Variants in MAP2K4 observed in about 807,000 individuals in gnomAD.
The protein encoded by MAP2K4 is dual specificity mitogen-activated protein kinase kinase 4.
MAP2K4 carries 4 observed loss-of-function variants against 48.5 expected under a neutral mutation model. The observed-to-expected ratio is 0.08, with a 90% CI of 0.04 to 0.19. The LOEUF (loss-of-function observed/expected upper bound fraction) is 0.19, where lower values mean the gene tolerates loss of function less well. MAP2K4 is among the 10% of genes least tolerant of loss of function. MAP2K4 has a pLI of 1.00. For missense variants in MAP2K4, 258 were observed against 493.3 expected, an observed-to-expected ratio of 0.52 and a Z score of 4.52; for synonymous variants, 166 against 173.1, an observed-to-expected ratio of 0.96 and a Z score of 0.32.
rs943138822 is a variant in MAP2K4 at position 12,037,168 on chromosome 17, C to T, written c.115+16167C>T. Among the ~76,000 whole-genome samples, 11 of 151,954 alleles carry T rather than the reference C, an allele frequency of 7.2e-5. No individual in the cohort carries two copies. The East Asian group carries it at 2.1e-3, about 29-fold the overall frequency. ...CAGGTGGCGGTGGTTTTTGGTGGCA[C>T]TGCACATCAGTATATTTGGAGGAAA... is the stretch of plus-strand genomic sequence containing the variant. On this transcript the variant is annotated intron_variant, in intron 1 of 10. Coordinates refer to ENST00000353533, the MANE Select transcript of MAP2K4 (RefSeq NM_003010.4).
At chr17:12,115,668 A>G in intron 7 of MAP2K4, 2 of 756,088 alleles carry the variant, frequency 2.6e-6, no homozygotes, top group South Asian at 1.3e-5. Flanking sequence ...AAAGTGAACC[A>G]GTGGAACACA....
chr17:12,081,215 A>G lies in MAP2K4; in HGVS notation c.219-141A>G, dbSNP rs1971176978. The G allele has an allele frequency of 1.7e-6, 1 of 585,782 alleles. No individual in the cohort carries two copies. Among genetic ancestry groups the G allele is most frequent in the Non-Finnish European group, 2.9e-6 (1 of 344,072 alleles). The allele number at this position is 585,782 out of a possible 1,614,324, so 36.3% of individuals were successfully genotyped here. On this transcript the variant is annotated intron_variant, in intron 2 of 10. Transcript: ENST00000353533. The surrounding 1 kb of genome is among the most constrained non-coding windows in gnomAD (Gnocchi z 4.2). ...AGTGTGTAAAAAACCAGGATGACAC[A>G]AATGAAAAACTTCAAAAACCTGGAG...
chr17:12,135,390 G>A (rs748189961), intron 9 of MAP2K4, among the ~76,000 whole-genome samples: 1 of 151,358 alleles, frequency 6.6e-6, no homozygotes, highest in African/African-American at 2.4e-5. Flanking sequence ...GGCCCACCTG[G>A]CTAATTTCTT....
chr17:12,143,232 A>G lies in MAP2K4; in HGVS notation c.*1972A>G. On this transcript the variant is annotated 3_prime_UTR_variant, in exon 11 of 11. Transcript: ENST00000353533. ...CTGTCAACTTCCCATCTGGCTCAGC[A>G]TAGGGTCACTTTGCCATTATGCAAA... 4.3e-6 allele frequency: 1 copy of G among 233,126 alleles called. No individual in the cohort carries two copies. The highest frequency in any genetic ancestry group is 8.5e-6 in the Non-Finnish European group (1 of 117,676). 14.4% of individuals were successfully genotyped at this position (233,126 alleles called of 1,614,324 possible).
At chr17:12,078,753 A>G (rs574982530) in intron 2 of MAP2K4, among the ~76,000 whole-genome samples, 1 of 152,130 alleles carries the variant, frequency 6.6e-6, no homozygotes, top group African/African-American at 2.4e-5. Flanking sequence ...CCTCTTACGT[A>G]GTTTAGGACA....
chr17:12,042,794 TC>T (rs1048268671), intron 1 of MAP2K4, among the ~76,000 whole-genome samples: 2 of 152,206 alleles, frequency 1.3e-5, no homozygotes, highest in Admixed American at 1.3e-4. Context: ...ACGCCTGTAA[TC>T]CCAGCACTTT....
chr17:12,063,139 A>G (rs1437694400), intron 2 of MAP2K4, among the ~76,000 whole-genome samples: 2 of 152,334 alleles, frequency 1.3e-5, no homozygotes, highest in East Asian at 3.9e-4. Context: ...TAAAATATGT[A>G]TGAAAATGCA....
rs1050207907 is a variant in MAP2K4 at position 12,107,816 on chromosome 17, C to T, written c.540C>T (p.Leu180=). ...GTGACTGTTGGATCTGTATGGAACTCATGTCTACCTCGTTTGATAAGTTTT... is the reference window on the plus strand; with the variant it reads ...GTGACTGTTGGATCTGTATGGAACTTATGTCTACCTCGTTTGATAAGTTTT... ...REGDCWICME[L]MSTSFDKFYK... The change falls in exon 5 of 11, where the codon CTC becomes CTT. Residue 180 remains leucine (L), a synonymous_variant. Coordinates refer to ENST00000353533, the MANE Select transcript of MAP2K4 (RefSeq NM_003010.4). 4.4e-6 allele frequency: 7 copies of T among 1,604,188 alleles called. No individual in the cohort carries two copies. In the Admixed American group the frequency reaches 6.8e-5, roughly 16 times the overall value.
chr17:12,097,251 C>T (rs1373759407), intron 4 of MAP2K4, among the ~76,000 whole-genome samples: 1 of 152,202 alleles, frequency 6.6e-6, no homozygotes, highest in Non-Finnish European at 1.5e-5. Context: ...TCTCTCCTAA[C>T]TAGATTCTGT....
chr17:12,099,210 C>T (rs923255345), intron 4 of MAP2K4, among the ~76,000 whole-genome samples: 1 of 147,394 alleles, frequency 6.8e-6, no homozygotes, highest in Non-Finnish European at 1.5e-5. Context: ...ATCCGTGTTG[C>T]TACAAAAAAA....
At chr17:12,137,773 A>G (rs985301061) in intron 9 of MAP2K4, among the ~76,000 whole-genome samples, 1 of 152,124 alleles carries the variant, frequency 6.6e-6, no homozygotes, top group Non-Finnish European at 1.5e-5. Context: ...TTTATCATGT[A>G]GGATAAACAA....
intron 4 of MAP2K4, among the ~76,000 whole-genome samples, chr17:12,105,061 CTG>C (rs980676289): frequency 6.6e-6 from 1 of 152,056 alleles, no homozygotes; most frequent in Admixed American, 6.6e-5. Flanking sequence ...ACTTTTGCAT[CTG>C]TTTCTTTGGT....
intron 2 of MAP2K4, among the ~76,000 whole-genome samples, chr17:12,069,357 C>A (rs1425363467): frequency 7.9e-5 from 12 of 152,204 alleles, no homozygotes; most frequent in African/African-American, 2.9e-4. Context: ...AAAAACTGTT[C>A]TAAGGGTAAA....
chr17:12,029,971 A>C (rs1055879757), intron 1 of MAP2K4, among the ~76,000 whole-genome samples: 3 of 152,054 alleles, frequency 2.0e-5, no homozygotes, highest in Admixed American at 2.0e-4. Flanking sequence ...ATACTAGTGA[A>C]TATTATATCA....
chr17:12,104,254 G>A (rs560792789), intron 4 of MAP2K4, among the ~76,000 whole-genome samples: 1 of 152,256 alleles, frequency 6.6e-6, no homozygotes, highest in East Asian at 1.9e-4. Flanking sequence ...AAAGAAAAGG[G>A]AAGAACTAAA....
chr17:12,086,491 A>G (rs1003069169), intron 3 of MAP2K4, among the ~76,000 whole-genome samples: 27 of 152,182 alleles, frequency 1.8e-4, no homozygotes, highest in African/African-American at 6.5e-4. Context: ...TGTTTTTCAG[A>G]CTGTGAGTTT....
At chr17:12,138,740 T>C (rs1973284293) in intron 9 of MAP2K4, among the ~76,000 whole-genome samples, 1 of 152,130 alleles carries the variant, frequency 6.6e-6, no homozygotes, top group Admixed American at 6.5e-5. Flanking sequence ...GTAGTGATCT[T>C]GGGATCAACA....
At chr17:12,029,775 A>G (rs894642134) in intron 1 of MAP2K4, among the ~76,000 whole-genome samples, 7 of 152,062 alleles carry the variant, frequency 4.6e-5, no homozygotes, top group Non-Finnish European at 8.8e-5. Flanking sequence ...AACAAAAAAC[A>G]AAAAACTCCA....
In MAP2K4 at chr17:12,113,218, A is replaced by ATC; in HGVS notation, c.686-13_686-12dup. ...AGAAGCTAATTGTATACTGAATGAT[A>ATC]TCTATGTCTTGCAGATATCAAACCT... is the stretch of plus-strand genomic sequence containing the variant. On this transcript the variant is annotated splice_polypyrimidine_tract_variant and intron_variant, in intron 6 of 10. Transcript: ENST00000353533. 1 of 1,611,720 alleles carries ATC rather than the reference A, an allele frequency of 6.2e-7. No homozygotes were observed. The highest frequency in any genetic ancestry group is 8.5e-7 in the Non-Finnish European group (1 of 1,178,790).
Sources: gnomAD v4.1 joint callset for allele counts (sites outside exome capture counted in the v4.1 genomes callset) on GRCh38, gnomAD v4.1.1 for gene constraint, Gnocchi (gnomAD v3.1) non-coding constraint, MANE v1.5 for transcripts, NCBI Gene and HGNC (gene_info 2026-07-23, HGNC 2026-07-21) for gene names.